The following SH3KBP1 variants were observed in gnomAD, a reference collection of about 807,000 sequenced individuals.
SH3KBP1 encodes the protein SH3 domain containing kinase binding protein 1.
In SH3KBP1, 8 loss-of-function variants were observed where a neutral mutation model predicts 50.1. That is an observed-to-expected ratio of 0.16 (90% CI 0.09 to 0.29). SH3KBP1 has a LOEUF of 0.29. SH3KBP1 is among the 10% of genes least tolerant of loss of function. SH3KBP1 has a pLI of 1.00. For synonymous variants in SH3KBP1, 227 were observed against 218.6 expected, an observed-to-expected ratio of 1.04 and a Z score of -0.34; for missense variants, 377 against 535.2, an observed-to-expected ratio of 0.70 and a Z score of 2.92.
intron 1 of SH3KBP1, among the ~76,000 whole-genome samples, chrX:19,875,620 T>G (rs1000238183): frequency 8.9e-6 from 1 of 112,421 alleles, no homozygotes; most frequent in African/African-American, 3.2e-5. Context: ...GGACTGGAAC[T>G]GAGCACCTCC....
At chrX:19,835,547 A>G (rs2068035655) in intron 2 of SH3KBP1, among the ~76,000 whole-genome samples, 1 of 110,790 alleles carries the variant, frequency 9.0e-6, no homozygotes. Context: ...CAAAGCAAAT[A>G]AACAAGTACA....
chrX:19,629,431 A>G (rs1170677083), intron 8 of SH3KBP1, among the ~76,000 whole-genome samples: 1 of 111,860 alleles, frequency 8.9e-6, no homozygotes, highest in Admixed American at 9.4e-5. Flanking sequence ...GGTGCTAGGG[A>G]TGAAGTGGGT....
At chrX:19,582,649 G>C (rs1359470051) in intron 12 of SH3KBP1, among the ~76,000 whole-genome samples, 1 of 111,000 alleles carries the variant, frequency 9.0e-6, no homozygotes, top group Non-Finnish European at 1.9e-5. Flanking sequence ...CTCCATCCTT[G>C]CTGGCCTCAC....
intron 6 of SH3KBP1, among the ~76,000 whole-genome samples, chrX:19,647,832 C>T (rs759996188): frequency 1.8e-5 from 2 of 110,761 alleles, no homozygotes; most frequent in South Asian, 7.8e-4. Flanking sequence ...AATTCCCAGG[C>T]CCCACCCCAG....
chrX:19,719,680 G>T (rs1021984236), intron 3 of SH3KBP1, among the ~76,000 whole-genome samples: 28 of 109,151 alleles, frequency 2.6e-4, no homozygotes, highest in Non-Finnish European at 5.1e-4. Context: ...ACTGCTCATG[G>T]ATACGTGGTC....
At chrX:19,544,700 G>A (rs1230287908) in intron 15 of SH3KBP1, among the ~76,000 whole-genome samples, 2 of 111,559 alleles carry the variant, frequency 1.8e-5, no homozygotes, top group African/African-American at 6.5e-5. Context: ...ACGCTCTCCC[G>A]GCCCATTTCG....
chrX:19,797,399 G>A (rs1323812799), intron 2 of SH3KBP1, among the ~76,000 whole-genome samples: 5 of 111,846 alleles, frequency 4.5e-5, no homozygotes, highest in East Asian at 5.6e-4. Context: ...TGGGACAGGC[G>A]AGAACTCAAT....
chrX:19,848,575 T>A, intron 1 of SH3KBP1, among the ~76,000 whole-genome samples: 1 of 112,343 alleles, frequency 8.9e-6, no homozygotes, highest in Non-Finnish European at 1.9e-5. Context: ...CTGGTAAATT[T>A]AAAAAAAGAA....
chrX:19,541,907 G>A lies in SH3KBP1; in HGVS notation c.1892+18C>T. ...GAGCAACCTGGGTGACGGCCCCCAA[G>A]AGTCCCCAGGCACTCACTTCTGCTG... On this transcript the variant is annotated intron_variant, in intron 16 of 17. Coordinates refer to ENST00000397821, the MANE Select transcript of SH3KBP1 (RefSeq NM_031892.3). 8.4e-7 allele frequency: 1 copy of A among 1,193,838 alleles called. No homozygotes were observed. Among genetic ancestry groups the A allele is most frequent in the Non-Finnish European group, 1.1e-6 (1 of 884,947 alleles).
At chrX:19,800,651 T>G (rs1203032007) in intron 2 of SH3KBP1, among the ~76,000 whole-genome samples, 3 of 112,387 alleles carry the variant, frequency 2.7e-5, no homozygotes, top group Non-Finnish European at 3.8e-5. Context: ...AAAGGTAAAC[T>G]TCAGCGAACT....
At chrX:19,546,621 G>A (rs1232452381) in intron 14 of SH3KBP1, among the ~76,000 whole-genome samples, 1 of 112,315 alleles carries the variant, frequency 8.9e-6, no homozygotes, top group African/African-American at 3.2e-5. Context: ...CCAGGCTTGT[G>A]GTCCAGTGAC....
chrX:19,866,025 G>T (rs901829313), intron 1 of SH3KBP1, among the ~76,000 whole-genome samples: 1 of 112,240 alleles, frequency 8.9e-6, no homozygotes, highest in Non-Finnish European at 1.9e-5. Flanking sequence ...CCAGGGACTG[G>T]TTCAAGCTAA....
intron 17 of SH3KBP1, 36 bp downstream of exon 17, chrX:19,537,681 T>C (rs2064759221): frequency 8.6e-7 from 1 of 1,161,919 alleles, no homozygotes; most frequent in Non-Finnish European, 1.2e-6. Context: ...CCACTGAGCC[T>C]AGGACTCACG....
chrX:19,797,774 A>T (rs1314457832), intron 2 of SH3KBP1, among the ~76,000 whole-genome samples: 2 of 110,541 alleles, frequency 1.8e-5, no homozygotes, highest in Non-Finnish European at 3.8e-5. Flanking sequence ...CAATGGGGGA[A>T]AGGGGTGAGA....
At chrX:19,671,160 G>A (rs955606414) in intron 6 of SH3KBP1, among the ~76,000 whole-genome samples, 1 of 111,746 alleles carries the variant, frequency 8.9e-6, no homozygotes, top group African/African-American at 3.3e-5. Flanking sequence ...TTCGGACAAG[G>A]AACACACTGA....
intron 2 of SH3KBP1, among the ~76,000 whole-genome samples, chrX:19,780,163 G>A (rs1285071498): frequency 2.2e-4 from 24 of 108,731 alleles, no homozygotes; most frequent in South Asian, 2.0e-3. Context: ...ATCTCATTGT[G>A]GTTTTGATTT....
intron 1 of SH3KBP1, among the ~76,000 whole-genome samples, chrX:19,872,313 C>T (rs1197406963): frequency 9.7e-5 from 10 of 103,612 alleles, no homozygotes; most frequent in South Asian, 8.6e-4. Context: ...TGGCAAAAAG[C>T]GGGAGAGAAA....
chrX:19,625,819 G>A (rs2068001742), intron 8 of SH3KBP1, among the ~76,000 whole-genome samples: 2 of 111,504 alleles, frequency 1.8e-5, no homozygotes, highest in African/African-American at 6.5e-5. Flanking sequence ...CAGGAAACAC[G>A]AACTCCACCC....
At chrX:19,580,800 C>T (rs73631359) in intron 12 of SH3KBP1, among the ~76,000 whole-genome samples, 2,333 of 111,032 alleles carry the variant, frequency 0.021, 70 homozygotes, top group African/African-American at 0.072. Flanking sequence ...AGGCCTTCCT[C>T]CACCCTGTAC....
Sources: allele counts gnomAD v4.1 joint callset (sites outside exome capture counted in the v4.1 genomes callset), GRCh38; gene constraint gnomAD v4.1.1; transcripts MANE v1.5; gene names NCBI Gene and HGNC (gene_info 2026-07-23, HGNC 2026-07-21).